ANGPT1: variants seen among roughly 807,000 people sequenced by gnomAD.
ANGPT1 encodes the protein angiopoietin 1, also known as angiopoietin-1.
ANGPT1 carries 17 observed loss-of-function variants against 62.2 expected under a neutral mutation model. The observed-to-expected ratio is 0.27, with a 90% confidence interval of 0.19 to 0.41. The LOEUF is 0.41. Ranked by LOEUF, ANGPT1 falls within the 10% of genes least tolerant of loss-of-function variation. The probability of loss-of-function intolerance (pLI) is 1.00; values close to 1 mark genes in which losing one functional copy is unlikely to be tolerated. For synonymous variants in ANGPT1, 199 were observed against 198.9 expected, an observed-to-expected ratio of 1.00 and a Z score of 0.00; for missense variants, 478 against 594.9, an observed-to-expected ratio of 0.80 and a Z score of 2.04.
chr8:107,396,271 T>C (rs1407906314), intron 1 of ANGPT1, among the ~76,000 whole-genome samples: 1 of 152,264 alleles, frequency 6.6e-6, no homozygotes, highest in East Asian at 1.9e-4. Context: ...ATTTATCCTA[T>C]CCAATTAGCC....
At chr8:107,477,041 C>T (rs1276921329) in intron 1 of ANGPT1, among the ~76,000 whole-genome samples, 1 of 152,138 alleles carries the variant, frequency 6.6e-6, no homozygotes, top group Non-Finnish European at 1.5e-5. Context: ...CATAATGCAA[C>T]CACAGAATCC....
intron 1 of ANGPT1, among the ~76,000 whole-genome samples, chr8:107,418,386 A>T (rs1001562851): frequency 6.6e-6 from 1 of 152,154 alleles, no homozygotes; most frequent in Admixed American, 6.5e-5. Context: ...TGAGAAAAAA[A>T]TGGGCACATG....
intron 1 of ANGPT1, among the ~76,000 whole-genome samples, chr8:107,490,222 A>T: frequency 1.3e-5 from 2 of 152,230 alleles, no homozygotes; most frequent in East Asian, 3.8e-4. Flanking sequence ...CCCCATTTCT[A>T]AGAAAATAGA....
chr8:107,460,970 G>T (rs1362789773), intron 1 of ANGPT1, among the ~76,000 whole-genome samples: 2 of 152,054 alleles, frequency 1.3e-5, no homozygotes, highest in Non-Finnish European at 2.9e-5. Flanking sequence ...GCCTCTGGTT[G>T]CCTGACTCTC....
intron 7 of ANGPT1, among the ~76,000 whole-genome samples, chr8:107,267,881 T>C (rs1054355249): frequency 2.0e-5 from 3 of 152,000 alleles, no homozygotes; most frequent in Non-Finnish European, 1.5e-5. Flanking sequence ...AACACTCTTA[T>C]TTCTCCATAC....
intron 3 of ANGPT1, among the ~76,000 whole-genome samples, chr8:107,328,698 CAGA>C (rs1815347079): frequency 6.6e-6 from 1 of 151,868 alleles, no homozygotes; most frequent in Non-Finnish European, 1.5e-5. Context: ...AATCTAGTCA[CAGA>C]AGAAATGCAA....
chr8:107,418,614 G>T (rs766915162), intron 1 of ANGPT1, among the ~76,000 whole-genome samples: 51 of 152,180 alleles, frequency 3.4e-4, no homozygotes, highest in Non-Finnish European at 5.9e-4. Flanking sequence ...GGAAAATCCA[G>T]TAATGAACAA....
chr8:107,447,991 T>C (rs1250781590), intron 1 of ANGPT1, among the ~76,000 whole-genome samples: 3 of 152,236 alleles, frequency 2.0e-5, no homozygotes, highest in Non-Finnish European at 4.4e-5. Context: ...CATTGAGTTA[T>C]GTGGCTTACT....
At position 107,252,926 on chromosome 8, in the gene ANGPT1, C is replaced by T. The variant is rs558649357; in HGVS notation, c.1337-911G>A. Reference sequence around the variant, plus strand: ...ATATTTTTTATTTGGATACAGTTGACCTCTCTTTGATTACAGACTTATACC... The same window carrying T: ...ATATTTTTTATTTGGATACAGTTGATCTCTCTTTGATTACAGACTTATACC... On this transcript the variant is annotated intron_variant, in intron 8 of 8. Transcript: ENST00000517746. 3.3e-5 allele frequency among the ~76,000 whole-genome samples: 5 copies of T among 152,260 alleles called. No homozygotes were observed. In the East Asian group the frequency reaches 9.7e-4, roughly 29 times the overall value.
chr8:107,471,504 T>C (rs956979204), intron 1 of ANGPT1, among the ~76,000 whole-genome samples: 1 of 152,092 alleles, frequency 6.6e-6, no homozygotes, highest in Admixed American at 6.6e-5. Flanking sequence ...TGTATACCTA[T>C]GTAACAAACC....
At chr8:107,474,213 G>A (rs1209462036) in intron 1 of ANGPT1, among the ~76,000 whole-genome samples, 2 of 73,784 alleles carry the variant, frequency 2.7e-5, no homozygotes, top group Admixed American at 1.3e-4. Flanking sequence ...ACCGAATCCA[G>A]CAACATCAAA....
chr8:107,365,051 T>C (rs1816244594), intron 1 of ANGPT1, among the ~76,000 whole-genome samples: 1 of 152,066 alleles, frequency 6.6e-6, no homozygotes, highest in African/African-American at 2.4e-5. Flanking sequence ...ATAGAATTAT[T>C]CATATTATAA....
chr8:107,493,170 G>C (rs1340564849), intron 1 of ANGPT1, among the ~76,000 whole-genome samples: 2 of 150,416 alleles, frequency 1.3e-5, no homozygotes, highest in Non-Finnish European at 3.0e-5. Flanking sequence ...TAATGAACAT[G>C]TTCAGAGGTA....
chr8:107,414,078 C>T (rs978838207), intron 1 of ANGPT1, among the ~76,000 whole-genome samples: 2 of 152,090 alleles, frequency 1.3e-5, no homozygotes, highest in Admixed American at 1.3e-4. Flanking sequence ...GGCCCTTGAT[C>T]CATGGGTATA....
intron 1 of ANGPT1, among the ~76,000 whole-genome samples, chr8:107,370,090 T>C (rs1816352212): frequency 6.7e-6 from 1 of 149,220 alleles, no homozygotes; most frequent in African/African-American, 2.5e-5. Context: ...AGAGCCATGA[T>C]CATGCTATTG....
chr8:107,392,744 C>T (rs1382815837), intron 1 of ANGPT1, among the ~76,000 whole-genome samples: 1 of 151,974 alleles, frequency 6.6e-6, no homozygotes, highest in African/African-American at 2.4e-5. Flanking sequence ...TTTTTGTATT[C>T]AAAATTTTAA....
intron 5 of ANGPT1, among the ~76,000 whole-genome samples, chr8:107,299,844 T>TA (rs1283883298): frequency 1.1e-5 from 1 of 94,270 alleles, no homozygotes; most frequent in East Asian, 2.9e-4. Flanking sequence ...TATCTAGATA[T>TA]ACTATATATT....
At chr8:107,279,302 C>A (rs1202798231) in intron 7 of ANGPT1, among the ~76,000 whole-genome samples, 7 of 152,042 alleles carry the variant, frequency 4.6e-5, no homozygotes, top group Admixed American at 4.6e-4. Context: ...CTACAAGGTG[C>A]TTTACAAATA....
chr8:107,377,213 C>T (rs1468499005), intron 1 of ANGPT1, among the ~76,000 whole-genome samples: 2 of 152,192 alleles, frequency 1.3e-5, no homozygotes, highest in African/African-American at 2.4e-5. Context: ...TCTAAGTATA[C>T]ATCAACATTT....
Sources: allele counts gnomAD v4.1 joint callset (sites outside exome capture counted in the v4.1 genomes callset), GRCh38; gene constraint gnomAD v4.1.1; transcripts MANE v1.5; gene names NCBI Gene and HGNC (gene_info 2026-07-23, HGNC 2026-07-21).